FBN1: variants seen among roughly 807,000 people sequenced by gnomAD.
The protein encoded by FBN1 is fibrillin 1, also known as fibrillin-1.
A neutral mutation model predicts 365.1 loss-of-function variants in FBN1; 29 were observed. The ratio of observed to expected loss-of-function variants is 0.08; its 90% CI spans 0.06 to 0.11. FBN1 has a LOEUF of 0.11. Ranked by LOEUF, FBN1 falls within the 10% of genes least tolerant of loss-of-function variation. The pLI is 1.00. For missense variants in FBN1, 2,476 were observed against 3,703.2 expected, an observed-to-expected ratio of 0.67 and a Z score of 8.60; for synonymous variants, 1,210 against 1,270.5, an observed-to-expected ratio of 0.95 and a Z score of 1.01.
chr15:48,560,440 C>A (rs1458229877), intron 6 of FBN1, among the ~76,000 whole-genome samples: 2 of 152,150 alleles, frequency 1.3e-5, no homozygotes, highest in African/African-American at 4.8e-5. Flanking sequence ...GCTTGCCTTA[C>A]TGGGTGCTCA....
intron 18 of FBN1, 121 bp downstream of exon 18, chr15:48,498,864 G>A: frequency 1.0e-6 from 1 of 954,524 alleles, no homozygotes; most frequent in South Asian, 1.3e-5. Context: ...ACATGGCACA[G>A]TGATGGCCAG....
At chr15:48,445,252 A>C in intron 48 of FBN1, 124 bp downstream of exon 48, 1 of 879,056 alleles carries the variant, frequency 1.1e-6, no homozygotes. Context: ...AGGGAGGATT[A>C]ATATAATTCT....
rs757817737 is a variant in FBN1 at position 48,430,738 on chromosome 15, G to A, written c.6804C>T (p.Leu2268=). Residue 2268 remains leucine (L), a synonymous_variant, in exon 56 of 66, where the codon CTC becomes CTT. Transcript: ENST00000316623. Reference sequence around the variant, plus strand: ...CACAGATGCACATATATGTGCCAATGAGGTTCTTGCATTCCATTTGTTTTT... The same window carrying A: ...CACAGATGCACATATATGTGCCAATAAGGTTCTTGCATTCCATTTGTTTTT... ...CTEKQMECKN[L]IGTYMCICGP... is the part of the protein sequence containing the mutation. The A allele has an allele frequency of 4.3e-6, 7 of 1,613,794 alleles. 1 individual carries two copies. In the Admixed American group the frequency reaches 1.0e-4, roughly 23 times the overall value.
At chr15:48,644,217 G>C in intron 2 of FBN1, 1 of 205,830 alleles carries the variant, frequency 4.9e-6, no homozygotes, top group Non-Finnish European at 1.0e-5. Context: ...TTCAAATACA[G>C]CATCTACCAA....
At chr15:48,644,563 A>C (rs1421608958) in intron 2 of FBN1, 43 bp downstream of exon 2, 1 of 1,613,042 alleles carries the variant, frequency 6.2e-7, no homozygotes. Context: ...TGGATCTTGA[A>C]ACTTGGGAGA....
intron 6 of FBN1, among the ~76,000 whole-genome samples, chr15:48,567,908 G>C (rs2044612546): frequency 1.3e-5 from 2 of 151,776 alleles, no homozygotes; most frequent in South Asian, 4.2e-4. Flanking sequence ...AGCAAGATAA[G>C]GATATCAGTT....
intron 23 of FBN1, among the ~76,000 whole-genome samples, chr15:48,493,326 G>C (rs1339463569): frequency 6.6e-6 from 1 of 152,008 alleles, no homozygotes; most frequent in East Asian, 1.9e-4. Flanking sequence ...AAAAAAAAAA[G>C]AGGGGGGAAC....
At chr15:48,600,429 C>T (rs2044553469) in intron 4 of FBN1, among the ~76,000 whole-genome samples, 195 bp from the exon 5 acceptor site, 1 of 152,186 alleles carries the variant, frequency 6.6e-6, no homozygotes, top group South Asian at 2.1e-4. Context: ...ACCGGCTAGG[C>T]GCAGTGGCTC....
rs574161280 is a variant in FBN1 at position 48,630,801 on chromosome 15, TCTTA to T, written c.164+13801_164+13804del. On this transcript the variant is annotated intron_variant, in intron 2 of 65. Transcript: ENST00000316623. The stretch of plus-strand genomic sequence containing the variant: ...GGTATTCATTTGTTTGATTTTATAT[TCTTA>T]CTTTTTTACAAACTTTCTGTTGGTG... Among the ~76,000 whole-genome samples the T allele has an allele frequency of 1.3e-3, 200 of 152,236 alleles. 1 individual carries two copies. Among genetic ancestry groups the T allele is most frequent in the African/African-American group, 4.6e-3 (191 of 41,548 alleles).
chr15:48,442,057 G>A (rs954970646), intron 49 of FBN1, among the ~76,000 whole-genome samples: 2 of 152,218 alleles, frequency 1.3e-5, no homozygotes, highest in African/African-American at 4.8e-5. Flanking sequence ...TATAAAAATG[G>A]AATGTGCAAC....
At chr15:48,421,879 G>T in intron 61 of FBN1, 73 bp downstream of exon 61, 1 of 1,315,092 alleles carries the variant, frequency 7.6e-7, no homozygotes, top group Non-Finnish European at 1.1e-6. Context: ...TATCCCAACA[G>T]CAGAGGAAAT....
chr15:48,523,934 AT>A (rs2043884459), intron 9 of FBN1, among the ~76,000 whole-genome samples: 1 of 152,192 alleles, frequency 6.6e-6, no homozygotes, highest in Admixed American at 6.5e-5. Context: ...CTTGGCCCTT[AT>A]TCTCAGGACC....
intron 6 of FBN1, among the ~76,000 whole-genome samples, chr15:48,570,016 A>G (rs1002685939): frequency 1.3e-5 from 2 of 152,140 alleles, no homozygotes; most frequent in African/African-American, 4.8e-5. Flanking sequence ...ACCAATTCTT[A>G]TATTTACCTA....
At chr15:48,484,343 G>A (rs1015595424) in intron 30 of FBN1, among the ~76,000 whole-genome samples, 3 of 151,572 alleles carry the variant, frequency 2.0e-5, no homozygotes, top group African/African-American at 7.3e-5. Flanking sequence ...TACCTACTTA[G>A]ATGCTCTTAG....
At chr15:48,562,508 T>C (rs1363121384) in intron 6 of FBN1, among the ~76,000 whole-genome samples, 1 of 152,212 alleles carries the variant, frequency 6.6e-6, no homozygotes, top group Non-Finnish European at 1.5e-5. Context: ...GTTTTAGGTG[T>C]CGCCATCAGC....
At chr15:48,578,429 C>T (rs1360287637) in intron 6 of FBN1, among the ~76,000 whole-genome samples, 1 of 152,156 alleles carries the variant, frequency 6.6e-6, no homozygotes, top group Non-Finnish European at 1.5e-5. Flanking sequence ...TAATGTTCCA[C>T]TCCTAGGCGT....
At chr15:48,429,420 TTC>T (rs1237444482) in intron 56 of FBN1, among the ~76,000 whole-genome samples, 1 of 152,200 alleles carries the variant, frequency 6.6e-6, no homozygotes, top group Non-Finnish European at 1.5e-5. Flanking sequence ...TATCTACAGA[TTC>T]TTAGAATTAT....
At chr15:48,523,710 T>TG (rs537924722) in intron 9 of FBN1, among the ~76,000 whole-genome samples, 7,271 of 80,164 alleles carry the variant, frequency 0.091, 426 homozygotes, top group African/African-American at 0.18. Flanking sequence ...CAAGGGTGGC[T>TG]GGGGGGGGGG....
chr15:48,518,934 T>C lies in FBN1; in HGVS notation c.1147+1725A>G, dbSNP rs7163964. 5.8e-3 allele frequency among the ~76,000 whole-genome samples: 888 copies of C among 152,316 alleles called. 13 individuals are homozygous for C. The highest frequency in any genetic ancestry group is 0.02 in the African/African-American group (847 of 41,564). The stretch of plus-strand genomic sequence containing the variant: ...GCTGTGCATCTCTCAGTGGTATACC[T>C]GGGAGGACAGCTCCCTGTAAAGCCA... On this transcript the variant is annotated intron_variant, in intron 10 of 65. Coordinates refer to ENST00000316623, the MANE Select transcript of FBN1 (RefSeq NM_000138.5).
Sources: gnomAD v4.1 joint callset for allele counts (sites outside exome capture counted in the v4.1 genomes callset) on GRCh38, gnomAD v4.1.1 for gene constraint, MANE v1.5 for transcripts, NCBI Gene and HGNC (gene_info 2026-07-23, HGNC 2026-07-21) for gene names.